Variants in TET1 observed in about 807,000 individuals in gnomAD.
TET1 encodes the protein methylcytosine dioxygenase TET1.
Under a neutral mutation model 148.7 loss-of-function variants are expected in TET1, and 13 were observed. That is an observed-to-expected ratio of 0.09 (90% CI 0.06 to 0.14). The LOEUF is 0.14. Among genes scored for constraint, TET1 ranks in the 10% least tolerant of loss-of-function variants. The pLI is 1.00. For missense variants in TET1, 2,182 were observed against 2,553.8 expected (o/e 0.85, Z 3.14); for synonymous variants, 907 against 937.2 (o/e 0.97, Z 0.59).
At chr10:68,632,504 G>A in intron 3 of TET1, 2 of 1,612,994 alleles carry the variant, frequency 1.2e-6, no homozygotes, top group Non-Finnish European at 1.7e-6. Context: ...GTTGTGGCTG[G>A]CTTTGGACAT....
intron 1 of TET1, among the ~76,000 whole-genome samples, chr10:68,566,958 T>C (rs1042324650): frequency 4.6e-5 from 7 of 152,074 alleles, no homozygotes; most frequent in African/African-American, 1.7e-4. Context: ...GATAACCCAA[T>C]GAGGTCAATA....
intron 3 of TET1, among the ~76,000 whole-genome samples, chr10:68,602,159 G>T (rs2054064698): frequency 6.6e-6 from 1 of 152,160 alleles, no homozygotes; most frequent in East Asian, 1.9e-4. Context: ...TTACCACATA[G>T]TCAGCAATGT....
At chr10:68,589,014 T>C (rs1184205628) in intron 2 of TET1, among the ~76,000 whole-genome samples, 1 of 151,842 alleles carries the variant, frequency 6.6e-6, no homozygotes, top group Admixed American at 6.6e-5. Context: ...TCTCAGCTAG[T>C]AGGGACGCTG....
chr10:68,587,038 C>T (rs1328564905), intron 2 of TET1, among the ~76,000 whole-genome samples: 2 of 152,148 alleles, frequency 1.3e-5, no homozygotes, highest in Non-Finnish European at 2.9e-5. Context: ...ATTTTTCCTG[C>T]TGGAGGATTA....
Position 68,691,867 on chromosome 10 carries a change from G to A in TET1, c.*53G>A, listed in dbSNP as rs1240236883. On this transcript the variant is annotated 3_prime_UTR_variant, in exon 12 of 12. Coordinates refer to ENST00000373644, the MANE Select transcript of TET1 (RefSeq NM_030625.3). This position sits in a 1 kb window ranked among gnomAD's most constrained non-coding sequence, Gnocchi z 4.4. ...TGCTAGTGCAGTGTATTTTTTCAAG[G>A]TGCTGTTAAAAGAAAGTCATGTTGT... 4.6e-6 allele frequency: 7 copies of A among 1,527,398 alleles called. No homozygotes were observed. The highest frequency in any genetic ancestry group is 6.1e-6 in the Non-Finnish European group (7 of 1,139,806). The allele number at this position is 1,527,398 out of a possible 1,614,324, so 94.6% of individuals were successfully genotyped here. A position where few individuals can be genotyped will look rare whatever the true frequency, so the allele number is the denominator to read the frequency against.
chr10:68,595,057 A>G (rs1332861970), intron 2 of TET1, among the ~76,000 whole-genome samples: 2 of 151,164 alleles, frequency 1.3e-5, no homozygotes, highest in Non-Finnish European at 2.9e-5. Flanking sequence ...GGACACTGAC[A>G]TGGGAGGATC....
At chr10:68,637,846 G>A (rs1485344956) in intron 3 of TET1, among the ~76,000 whole-genome samples, 1 of 151,104 alleles carries the variant, frequency 6.6e-6, no homozygotes, top group Non-Finnish European at 1.5e-5. Flanking sequence ...TCCAGCATGG[G>A]TGACAGAGTG....
intron 2 of TET1, among the ~76,000 whole-genome samples, chr10:68,595,153 G>GAAAA (rs113065548): frequency 0.06 from 8,117 of 135,268 alleles, 303 homozygotes; most frequent in Non-Finnish European, 0.083. Flanking sequence ...ACCCTATCAA[G>GAAAA]AAAAAAAAAA....
At chr10:68,684,993 G>A (rs1359467924) in intron 10 of TET1, among the ~76,000 whole-genome samples, 1 of 152,096 alleles carries the variant, frequency 6.6e-6, no homozygotes, top group East Asian at 1.9e-4. Flanking sequence ...CATGGCTCAT[G>A]CCTGTAATCC....
chr10:68,631,366 G>C (rs915386965), intron 3 of TET1, among the ~76,000 whole-genome samples: 1 of 151,486 alleles, frequency 6.6e-6, no homozygotes, highest in African/African-American at 2.4e-5. Context: ...GAGGACTTTG[G>C]TTGTAAAATG....
At chr10:68,632,196 C>T (rs891527623) in intron 3 of TET1, among the ~76,000 whole-genome samples, 8 of 151,898 alleles carry the variant, frequency 5.3e-5, no homozygotes, top group Admixed American at 6.6e-5. Context: ...GTGGCGGGCG[C>T]CTGTAGTCCT....
intron 3 of TET1, among the ~76,000 whole-genome samples, chr10:68,634,925 C>T (rs1420300924): frequency 6.6e-6 from 1 of 151,848 alleles, no homozygotes; most frequent in Non-Finnish European, 1.5e-5. Context: ...CCATGCCTGG[C>T]TAATTTTTGT....
intron 3 of TET1, among the ~76,000 whole-genome samples, chr10:68,622,701 A>C (rs2054395031): frequency 2.6e-5 from 4 of 152,064 alleles, no homozygotes; most frequent in Admixed American, 2.0e-4. Context: ...GCAGTTTTAA[A>C]GAATCTTGGT....
At chr10:68,618,382 C>A (rs2664419) in intron 3 of TET1, among the ~76,000 whole-genome samples, 89,447 of 151,888 alleles carry the variant, frequency 0.59, 26,489 homozygotes, top group Middle Eastern at 0.62. Context: ...TAGAATTCCA[C>A]GGGAATGTGA....
At position 68,691,514 on chromosome 10, in the gene TET1, C is replaced by T. The variant is rs2055593889; in HGVS notation, c.6111C>T (p.Asn2037=). 1.9e-6 allele frequency: 3 copies of T among 1,614,076 alleles called. No homozygotes were observed. Among genetic ancestry groups the T allele is most frequent in the South Asian group, 1.1e-5 (1 of 91,068 alleles). Residue 2037 remains asparagine, a synonymous_variant, in exon 12 of 12, where the codon AAC becomes AAT. Transcript: ENST00000373644. The surrounding 1 kb of genome is among the most constrained non-coding windows in gnomAD (Gnocchi z 4.4). ...CTACCACTCCTGTTGAGCACCCCAA[C>T]CGTAATCATCCAACCCGCCTCTCCC... ...LHATTPVEHP[N]RNHPTRLSLV...
At chr10:68,676,722 A>G (rs575075049) in intron 8 of TET1, among the ~76,000 whole-genome samples, 2 of 152,224 alleles carry the variant, frequency 1.3e-5, no homozygotes, top group South Asian at 2.1e-4. Flanking sequence ...GCCCACATCA[A>G]TTTTTGAGGA....
At chr10:68,684,711 A>G (rs1398155938) in intron 10 of TET1, among the ~76,000 whole-genome samples, 3 of 152,144 alleles carry the variant, frequency 2.0e-5, no homozygotes, top group African/African-American at 4.8e-5. Flanking sequence ...AACTCTTGAA[A>G]TTCTACCACT....
chr10:68,628,362 CGTT>C (rs1278341499), intron 3 of TET1, among the ~76,000 whole-genome samples: 1 of 152,194 alleles, frequency 6.6e-6, no homozygotes, highest in African/African-American at 2.4e-5. Context: ...AAGGTGTCGT[CGTT>C]AAGTTTAAAT....
chr10:68,686,844 C>T (rs1175972104), intron 11 of TET1, 137 bp downstream of exon 11: 1 of 757,500 alleles, frequency 1.3e-6, no homozygotes, highest in Non-Finnish European at 2.0e-6. Context: ...CAAAAGTCAA[C>T]AAAAAAGTGA....
Sources: allele counts gnomAD v4.1 joint callset (sites outside exome capture counted in the v4.1 genomes callset), GRCh38; gene constraint gnomAD v4.1.1; non-coding constraint Gnocchi (gnomAD v3.1); transcripts MANE v1.5; gene names NCBI Gene and HGNC (gene_info 2026-07-23, HGNC 2026-07-21).